FAP: variants seen among roughly 807,000 people sequenced by gnomAD.
The protein encoded by FAP is fibroblast activation protein alpha.
Under a neutral mutation model 126.5 loss-of-function variants are expected in FAP, and 110 were observed. That is an observed-to-expected ratio of 0.87 (90% CI 0.74 to 1.02). The LOEUF is 1.02. FAP is among the 50% of genes least tolerant of loss of function. The probability of loss-of-function intolerance (pLI) is 0.00; values close to 1 mark genes in which losing one functional copy is unlikely to be tolerated. For missense variants in FAP, 919 were observed against 909.2 expected (o/e 1.01, Z -0.14); for synonymous variants, 334 against 297.3 (o/e 1.12, Z -1.27).
chr2:162,218,439 G>C (rs980728949), intron 8 of FAP, among the ~76,000 whole-genome samples: 4 of 151,868 alleles, frequency 2.6e-5, no homozygotes, highest in African/African-American at 9.7e-5. Flanking sequence ...GGCAGTTTCA[G>C]GTTTTTTAGT....
At chr2:162,173,959 C>T (rs1275749959) in intron 22 of FAP, among the ~76,000 whole-genome samples, 172 bp from the exon 23 acceptor site, 1 of 152,136 alleles carries the variant, frequency 6.6e-6, no homozygotes, top group Non-Finnish European at 1.5e-5. Flanking sequence ...TGTGTCATCT[C>T]TGCAATTAGC....
intron 2 of FAP, among the ~76,000 whole-genome samples, chr2:162,234,924 G>T (rs1322292630): frequency 1.3e-5 from 2 of 152,182 alleles, no homozygotes; most frequent in Non-Finnish European, 2.9e-5. Flanking sequence ...TTCTGGGTGG[G>T]CGTGGGCTTG....
intron 4 of FAP, 64 bp downstream of exon 4, chr2:162,225,419 T>C (rs1689596107): frequency 3.9e-6 from 6 of 1,553,144 alleles, no homozygotes; most frequent in Admixed American, 1.9e-5. Context: ...CTTTGAACTC[T>C]GTTTCTTGGT....
rs114299077 is a variant in FAP, at chr2:162,178,924, T to C, written c.1870-3958A>G. Among the ~76,000 whole-genome samples the C allele has an allele frequency of 2.7e-3, 414 of 152,316 alleles. 1 individual carries two copies. Among genetic ancestry groups the C allele is most frequent in the African/African-American group, 8.8e-3 (365 of 41,576 alleles). On this transcript the variant is annotated intron_variant, in intron 21 of 25. Transcript: ENST00000188790. ...ATTTCCCACAGGTCCCTGCTTATTA[T>C]ATTGTATAAGAGCACACACAGATAT... is the stretch of plus-strand genomic sequence containing the variant.
At position 162,217,284 on chromosome 2, in the gene FAP, C is replaced by T. The variant is rs145355029; in HGVS notation, c.762+702G>A. 3.0e-4 allele frequency among the ~76,000 whole-genome samples: 45 copies of T among 152,264 alleles called. No homozygotes were observed. The East Asian group carries it at 7.0e-3, about 24-fold the overall frequency. On this transcript the variant is annotated intron_variant, in intron 9 of 25. Coordinates refer to ENST00000188790, the MANE Select transcript of FAP (RefSeq NM_004460.5). Reference sequence around the variant, plus strand: ...AAGAAGTGAATTCTAAAATCGCATCCGATTCCTTGTGCAAGAGGTAAATTT... The same window carrying T: ...AAGAAGTGAATTCTAAAATCGCATCTGATTCCTTGTGCAAGAGGTAAATTT...
intron 2 of FAP, among the ~76,000 whole-genome samples, chr2:162,228,061 G>A (rs1689730492): frequency 6.6e-6 from 1 of 152,098 alleles, no homozygotes; most frequent in Non-Finnish European, 1.5e-5. Context: ...TTACCATAAG[G>A]CCAGGAATCA....
At chr2:162,223,943 T>C (rs1454013949) in intron 5 of FAP, among the ~76,000 whole-genome samples, 3 of 152,062 alleles carry the variant, frequency 2.0e-5, no homozygotes, top group Non-Finnish European at 4.4e-5. Flanking sequence ...ATAAAAAGCT[T>C]ATCTTTGCAT....
intron 16 of FAP, among the ~76,000 whole-genome samples, chr2:162,195,300 G>C (rs1348107213): frequency 1.3e-5 from 2 of 152,000 alleles, no homozygotes; most frequent in East Asian, 3.9e-4. Context: ...GGAGGTTTGT[G>C]GGGGTGGTAT....
rs558684056 is a variant in FAP at position 162,241,797 on chromosome 2, G to A, written c.91+1111C>T. On this transcript the variant is annotated intron_variant, in intron 2 of 25. Coordinates refer to ENST00000188790, the MANE Select transcript of FAP (RefSeq NM_004460.5). ...CTCTCAACAGCCTAAGAAGAATCTT[G>A]TGCTGGCAGAGAGCAGAAACAAAGA... Among the ~76,000 whole-genome samples, 4 of 152,300 alleles carry A rather than the reference G, an allele frequency of 2.6e-5. No homozygotes were observed. In the South Asian group the frequency reaches 6.2e-4, roughly 24 times the overall value.
At chr2:162,195,433 C>A (rs940740987) in intron 16 of FAP, among the ~76,000 whole-genome samples, 1 of 151,856 alleles carries the variant, frequency 6.6e-6, no homozygotes, top group African/African-American at 2.4e-5. Context: ...GGCAACAAGG[C>A]TGACTTTTAC....
intron 21 of FAP, among the ~76,000 whole-genome samples, chr2:162,181,357 A>G (rs1247683393): frequency 2.0e-5 from 3 of 152,104 alleles, no homozygotes; most frequent in Non-Finnish European, 4.4e-5. Flanking sequence ...GGCATGCACA[A>G]ATCCCTCTCC....
At chr2:162,210,817 A>G (rs1576172203) in intron 11 of FAP, among the ~76,000 whole-genome samples, 1 of 152,312 alleles carries the variant, frequency 6.6e-6, no homozygotes, top group East Asian at 1.9e-4. Context: ...AAAGAATGAT[A>G]AAGACTCTAA....
intron 21 of FAP, among the ~76,000 whole-genome samples, chr2:162,179,133 A>G (rs925902188): frequency 6.6e-6 from 1 of 152,174 alleles, no homozygotes; most frequent in East Asian, 1.9e-4. Context: ...AGCACTTTAA[A>G]AATTGATGTC....
At chr2:162,229,249 C>A (rs1292240647) in intron 2 of FAP, among the ~76,000 whole-genome samples, 1 of 152,072 alleles carries the variant, frequency 6.6e-6, no homozygotes, top group Non-Finnish European at 1.5e-5. Context: ...ACTAAAACAT[C>A]TAGCTCTATG....
intron 20 of FAP, 180 bp from the exon 21 acceptor site, chr2:162,183,648 A>C (rs1687768142): frequency 1.8e-6 from 1 of 551,994 alleles, no homozygotes; most frequent in Non-Finnish European, 3.2e-6. Context: ...TTTTCTGCAA[A>C]GAGATAAAAG....
At chr2:162,218,692 A>G (rs1689260467) in intron 8 of FAP, among the ~76,000 whole-genome samples, 1 of 152,028 alleles carries the variant, frequency 6.6e-6, no homozygotes, top group African/African-American at 2.4e-5. Context: ...ACAGAGTATC[A>G]GAAAGTAAAA....
intron 16 of FAP, among the ~76,000 whole-genome samples, chr2:162,195,354 G>T (rs78715256): frequency 5.4e-4 from 82 of 152,114 alleles, no homozygotes; most frequent in South Asian, 2.1e-3. Context: ...AATAGGGCAG[G>T]GAAGAAAGGT....
At chr2:162,240,907 ATGAT>A (rs1413824350) in intron 2 of FAP, among the ~76,000 whole-genome samples, 1 of 152,082 alleles carries the variant, frequency 6.6e-6, no homozygotes, top group South Asian at 2.1e-4. Flanking sequence ...CAGACGGGAG[ATGAT>A]TGATTGACCA....
In FAP at chr2:162,225,489, T is replaced by C; in HGVS notation, c.279A>G (p.Arg93=). 6.3e-7 allele frequency: 1 copy of C among 1,599,024 alleles called. No homozygotes were observed. The highest frequency in any genetic ancestry group is 8.5e-7 in the Non-Finnish European group (1 of 1,171,644). The change falls in exon 4 of 26, where the codon AGA becomes AGG. Residue 93 remains arginine, a synonymous_variant. Coordinates refer to ENST00000188790, the MANE Select transcript of FAP (RefSeq NM_004460.5). Reference sequence around the variant, plus strand: ...GATGATGTTGGATACATACCATGGTTCTATTACTCAAAATGGTATATGATT... The same window carrying C: ...GATGATGTTGGATACATACCATGGTCCTATTACTCAAAATGGTATATGATT... ...TGQSYTILSN[R]TMKSVNASNY...
Sources: gnomAD v4.1 joint callset for allele counts (sites outside exome capture counted in the v4.1 genomes callset) on GRCh38, gnomAD v4.1.1 for gene constraint, MANE v1.5 for transcripts, NCBI Gene and HGNC (gene_info 2026-07-23, HGNC 2026-07-21) for gene names.